HSD17B12: variants seen among roughly 807,000 people sequenced by gnomAD.
The protein encoded by HSD17B12 is hydroxysteroid 17-beta dehydrogenase 12.
A neutral mutation model predicts 39.3 loss-of-function variants in HSD17B12; 32 were observed. That is an observed-to-expected ratio of 0.81 (90% CI 0.61 to 1.09). The LOEUF (loss-of-function observed/expected upper bound fraction) is 1.09. Among genes scored for constraint, HSD17B12 ranks in the 50% least tolerant of loss-of-function variants. The probability of loss-of-function intolerance (pLI) is 0.00; values close to 1 mark genes in which losing one functional copy is unlikely to be tolerated. For synonymous variants in HSD17B12, 150 were observed against 146.7 expected (o/e 1.02, Z -0.16); for missense variants, 342 against 382.9 (o/e 0.89, Z 0.89).
At chr11:43,743,816 C>T (rs552798024) in intron 1 of HSD17B12, among the ~76,000 whole-genome samples, 1 of 152,042 alleles carries the variant, frequency 6.6e-6, no homozygotes, top group South Asian at 2.1e-4. Context: ...TTTAATGCAG[C>T]CAAGATGAGA....
chr11:43,663,492 A>G, the HSD17B12 span, among the ~76,000 whole-genome samples: 1 of 152,180 alleles, frequency 6.6e-6, no homozygotes, highest in Non-Finnish European at 1.5e-5. Flanking sequence ...TTAGCCTCCC[A>G]AAGTGCCAGG....
chr11:43,801,725 T>G (rs1950971680), intron 4 of HSD17B12, among the ~76,000 whole-genome samples: 1 of 151,852 alleles, frequency 6.6e-6, no homozygotes, highest in East Asian at 1.9e-4. Flanking sequence ...CTATGAGTAG[T>G]AATTGCACTG....
intron 3 of HSD17B12, among the ~76,000 whole-genome samples, chr11:43,787,370 G>A (rs191536683): frequency 1.2e-4 from 19 of 152,264 alleles, no homozygotes; most frequent in African/African-American, 4.6e-4. Context: ...TGTTTTCTGT[G>A]TTGAACAGAA....
chr11:43,753,979 GTT>G, intron 2 of HSD17B12, 65 bp from the exon 3 acceptor site: 1 of 999,176 alleles, frequency 1.0e-6, no homozygotes, highest in Non-Finnish European at 1.6e-6. Context: ...TAAAATGGGG[GTT>G]ATAGCTCATT....
intron 3 of HSD17B12, among the ~76,000 whole-genome samples, chr11:43,766,047 G>C (rs1051560901): frequency 1.3e-5 from 2 of 152,094 alleles, no homozygotes; most frequent in African/African-American, 4.8e-5. Flanking sequence ...AGATGGTCTC[G>C]ATCTCCTGAC....
At chr11:43,716,564 A>T (rs1231976129) in intron 1 of HSD17B12, among the ~76,000 whole-genome samples, 3 of 151,886 alleles carry the variant, frequency 2.0e-5, no homozygotes, top group Non-Finnish European at 4.4e-5. Context: ...ACCCTTATTG[A>T]TCACTTACTA....
intron 3 of HSD17B12, among the ~76,000 whole-genome samples, chr11:43,783,310 C>T (rs1950784159): frequency 6.6e-6 from 1 of 151,792 alleles, no homozygotes; most frequent in Non-Finnish European, 1.5e-5. Context: ...TAGGAGACTG[C>T]AGTAAGTACA....
At chr11:43,593,150 C>A in the HSD17B12 span, among the ~76,000 whole-genome samples, 1 of 152,164 alleles carries the variant, frequency 6.6e-6, no homozygotes, top group African/African-American at 2.4e-5. Context: ...CATATACTCA[C>A]AAGCAAAGAC....
the HSD17B12 span, among the ~76,000 whole-genome samples, chr11:43,622,768 A>T: frequency 1.4e-4 from 22 of 152,116 alleles, no homozygotes; most frequent in African/African-American, 5.3e-4. Flanking sequence ...GAGGGCATGA[A>T]TAAGGAATCA....
chr11:43,847,715 C>CAAAAAAAAAAAAAAAAAAAAA (rs749195210), intron 9 of HSD17B12, among the ~76,000 whole-genome samples: 2 of 85,694 alleles, frequency 2.3e-5, no homozygotes, highest in African/African-American at 9.6e-5. Context: ...CTCTGCCTCA[C>CAAAAAAAAAAAAAAAAAAAAA]AAAAAAAAAA....
intron 1 of HSD17B12, among the ~76,000 whole-genome samples, chr11:43,702,760 T>C (rs572596866): frequency 2.6e-4 from 39 of 152,350 alleles, no homozygotes; most frequent in Middle Eastern, 6.8e-3. Context: ...CTTTGAATTG[T>C]GGCCCAACAC....
Position 43,754,141 on chromosome 11 carries a change from A to G in HSD17B12, c.283+20A>G. On this transcript the variant is annotated intron_variant, in intron 3 of 10. Coordinates refer to ENST00000278353, the MANE Select transcript of HSD17B12 (RefSeq NM_016142.3). Reference sequence around the variant, plus strand: ...AAATAAGTAAGTTCTCACATCAAACAAAAGGAATACATAGCTAATTAATGT... The same window carrying G: ...AAATAAGTAAGTTCTCACATCAAACGAAAGGAATACATAGCTAATTAATGT... 1 of 1,512,754 alleles carries G rather than the reference A, an allele frequency of 6.6e-7. No individual in the cohort carries two copies. The highest frequency in any genetic ancestry group is 2.3e-5 in the East Asian group (1 of 44,264). The allele number at this position is 1,512,754 out of a possible 1,614,324, so 93.7% of individuals were successfully genotyped here.
chr11:43,815,848 A>C (rs573017655), intron 5 of HSD17B12, among the ~76,000 whole-genome samples: 4 of 152,320 alleles, frequency 2.6e-5, no homozygotes, highest in African/African-American at 9.6e-5. Context: ...CTAAACATCA[A>C]CTTAAAAATT....
intron 9 of HSD17B12, among the ~76,000 whole-genome samples, chr11:43,840,701 G>A (rs1039636459): frequency 6.6e-6 from 1 of 152,118 alleles, no homozygotes; most frequent in African/African-American, 2.4e-5. Context: ...GTATGTGTCG[G>A]AATTTTCTTC....
chr11:43,719,681 T>C (rs1308252810), intron 1 of HSD17B12, among the ~76,000 whole-genome samples: 1 of 152,006 alleles, frequency 6.6e-6, no homozygotes, highest in East Asian at 1.9e-4. Context: ...TTGAGAGTTG[T>C]TCCCTAGTAC....
At chr11:43,767,437 TATC>T (rs1950605612) in intron 3 of HSD17B12, among the ~76,000 whole-genome samples, 1 of 152,188 alleles carries the variant, frequency 6.6e-6, no homozygotes, top group Non-Finnish European at 1.5e-5. Flanking sequence ...CTTCCTTTCT[TATC>T]ATGAAAAGAA....
the HSD17B12 span, among the ~76,000 whole-genome samples, chr11:43,648,004 A>G: frequency 1.3e-5 from 2 of 152,234 alleles, no homozygotes; most frequent in African/African-American, 4.8e-5. Context: ...TTACTTCAAA[A>G]TGCTGAATGT....
the HSD17B12 span, among the ~76,000 whole-genome samples, chr11:43,561,882 T>A: frequency 6.6e-6 from 1 of 152,142 alleles, no homozygotes; most frequent in African/African-American, 2.4e-5. Flanking sequence ...CCTAGCACGG[T>A]GCTTGACCCA....
chr11:43,688,853 T>C (rs1051921105), intron 1 of HSD17B12, among the ~76,000 whole-genome samples: 9 of 152,338 alleles, frequency 5.9e-5, no homozygotes, highest in South Asian at 2.1e-4. Context: ...GGGATTATTA[T>C]GACAATTAAA....
Sources: gnomAD v4.1 joint callset for allele counts (sites outside exome capture counted in the v4.1 genomes callset) on GRCh38, gnomAD v4.1.1 for gene constraint, MANE v1.5 for transcripts, NCBI Gene and HGNC (gene_info 2026-07-23, HGNC 2026-07-21) for gene names.